The following TBC1D22A variants were observed in gnomAD, a reference collection of about 807,000 sequenced individuals.
TBC1D22A encodes TBC1 domain family member 22A.
A neutral mutation model predicts 60.2 loss-of-function variants in TBC1D22A; 38 were observed. The observed-to-expected ratio is 0.63, with a 90% CI of 0.49 to 0.83. TBC1D22A has a LOEUF of 0.83. Ranked by LOEUF, TBC1D22A falls within the 40% of genes least tolerant of loss-of-function variation. The pLI is 0.00. For missense variants in TBC1D22A, 628 were observed against 701.0 expected (o/e 0.90, Z 1.18); for synonymous variants, 302 against 281.7 (o/e 1.07, Z -0.72).
At chr22:46,812,572 C>T (rs898972651) in intron 4 of TBC1D22A, among the ~76,000 whole-genome samples, 11 of 152,174 alleles carry the variant, frequency 7.2e-5, no homozygotes, top group Admixed American at 5.2e-4. Context: ...TGGGGACTGC[C>T]GCCTTTCTGC....
At chr22:46,766,506 C>T (rs898432003) in intron 1 of TBC1D22A, among the ~76,000 whole-genome samples, 1 of 152,124 alleles carries the variant, frequency 6.6e-6, no homozygotes, top group African/African-American at 2.4e-5. Context: ...CTGTACAATA[C>T]AAGACTAGTA....
rs188040691 is a variant in TBC1D22A, at chr22:46,882,410, C to T, written c.708+3687C>T. 6.6e-5 allele frequency among the ~76,000 whole-genome samples: 10 copies of T among 152,250 alleles called. No homozygotes were observed. In the South Asian group the frequency reaches 1.5e-3, roughly 22 times the overall value. On this transcript the variant is annotated intron_variant, in intron 5 of 12. Transcript: ENST00000337137. ...CGGTTCTTGGGGGTTCTCACGTGTG[C>T]CCAGGGCTGAAGACGGCTGCTCTAA... is the stretch of plus-strand genomic sequence containing the variant.
intron 4 of TBC1D22A, among the ~76,000 whole-genome samples, chr22:46,832,923 A>T (rs2086372706): frequency 6.6e-6 from 1 of 152,114 alleles, no homozygotes; most frequent in African/African-American, 2.4e-5. Flanking sequence ...GGAAGGGCGG[A>T]TGGTGTCCAT....
Position 46,936,130 on chromosome 22 carries a change from C to T in TBC1D22A, c.1015+23942C>T, listed in dbSNP as rs1275364213. Among the ~76,000 whole-genome samples, 2 of 152,206 alleles carry T rather than the reference C, an allele frequency of 1.3e-5. 1 individual carries two copies. The highest frequency in any genetic ancestry group is 6.3e-3 in the Middle Eastern group (2 of 316). On this transcript the variant is annotated intron_variant, in intron 8 of 12. Coordinates refer to ENST00000337137, the MANE Select transcript of TBC1D22A (RefSeq NM_014346.5). The stretch of plus-strand genomic sequence containing the variant: ...GAATTTATTAGGTGCCAGAGGGTGC[C>T]GGGCATGTGCTGGTCACCTTGACAC...
intron 11 of TBC1D22A, among the ~76,000 whole-genome samples, chr22:47,059,279 A>G (rs1225713683): frequency 6.6e-6 from 1 of 152,226 alleles, no homozygotes; most frequent in Non-Finnish European, 1.5e-5. Flanking sequence ...GTGGGTGCGC[A>G]CGCGTCTGGT....
At chr22:46,792,841 C>G (rs2146895714) in intron 2 of TBC1D22A, 1 of 1,436,518 alleles carries the variant, frequency 7.0e-7, no homozygotes. Flanking sequence ...AGCTGGCATC[C>G]TTTAGCCATG....
chr22:47,001,829 G>A (rs1200488649), intron 10 of TBC1D22A, among the ~76,000 whole-genome samples: 1 of 152,138 alleles, frequency 6.6e-6, no homozygotes, highest in Non-Finnish European at 1.5e-5. Flanking sequence ...ATAACTAAAA[G>A]TTAAATATAA....
At chr22:46,959,873 C>A (rs2073403408) in intron 8 of TBC1D22A, among the ~76,000 whole-genome samples, 1 of 152,206 alleles carries the variant, frequency 6.6e-6, no homozygotes. Context: ...TACTTGGCTT[C>A]TTGGCCCTCG....
rs1299891669 is a variant in TBC1D22A at position 47,039,666 on chromosome 22, AG to A, written c.1329+2472del. The stretch of plus-strand genomic sequence containing the variant: ...TGGAAGAGAATGGCCCTGCTCCCCC[AG>A]GGGTCGCGTGCTCCCTCATGGATGC... On this transcript the variant is annotated intron_variant, in intron 11 of 12. Coordinates refer to ENST00000337137, the MANE Select transcript of TBC1D22A (RefSeq NM_014346.5). Among the ~76,000 whole-genome samples, 4 of 135,832 alleles carry A rather than the reference AG, an allele frequency of 2.9e-5. No individual in the cohort carries two copies. The East Asian group carries it at 8.4e-4, about 28-fold the overall frequency. The allele number at this position is 135,832 out of a possible 152,430, so 89.1% of individuals were successfully genotyped here.
chr22:46,896,041 T>C (rs941144415), intron 7 of TBC1D22A, among the ~76,000 whole-genome samples: 4 of 152,214 alleles, frequency 2.6e-5, no homozygotes, highest in African/African-American at 4.8e-5. Flanking sequence ...CTTCATGCTG[T>C]GGGACTTCCT....
intron 11 of TBC1D22A, among the ~76,000 whole-genome samples, chr22:47,045,728 C>T (rs563387565): frequency 2.0e-5 from 3 of 152,224 alleles, no homozygotes; most frequent in Admixed American, 6.5e-5. Context: ...AAAAAGAAAC[C>T]GCCCACCCTG....
chr22:46,840,896 A>G (rs1030858414), intron 4 of TBC1D22A, among the ~76,000 whole-genome samples: 1 of 152,280 alleles, frequency 6.6e-6, no homozygotes, highest in South Asian at 2.1e-4. Context: ...TGATCCAGCA[A>G]TCCCACTTCT....
intron 9 of TBC1D22A, among the ~76,000 whole-genome samples, chr22:46,980,829 T>C (rs899773058): frequency 3.3e-4 from 50 of 152,250 alleles, no homozygotes; most frequent in Non-Finnish European, 2.9e-5. Context: ...TATGGAGACA[T>C]GAGAGTGAAG....
At chr22:46,906,700 A>G (rs1349728623) in intron 7 of TBC1D22A, among the ~76,000 whole-genome samples, 1 of 152,168 alleles carries the variant, frequency 6.6e-6, no homozygotes, top group African/African-American at 2.4e-5. Flanking sequence ...TCCGTTTCTC[A>G]GCCACATGTA....
intron 10 of TBC1D22A, among the ~76,000 whole-genome samples, chr22:47,021,119 C>A (rs1195682047): frequency 6.6e-6 from 1 of 152,026 alleles, no homozygotes; most frequent in African/African-American, 2.4e-5. Flanking sequence ...TTTGTGAAGC[C>A]CTGAGCAGGG....
chr22:47,175,584 T>C lies in TBC1D22A; in HGVS notation c.*1958T>C, dbSNP rs945972464. The stretch of plus-strand genomic sequence containing the variant: ...TGTATGTAAACGCCAAGACTGAATG[T>C]GAGAGGTGTTGGCCGCGGGCCTTAA... On this transcript the variant is annotated 3_prime_UTR_variant, in exon 13 of 13. Transcript: ENST00000337137. The C allele has an allele frequency of 9.8e-5, 15 of 152,294 alleles. No homozygotes were observed. Among genetic ancestry groups the C allele is most frequent in the African/African-American group, 3.6e-4 (15 of 41,474 alleles). 9.4% of individuals were successfully genotyped at this position (152,294 alleles called of 1,614,324 possible). A position where few individuals can be genotyped will look rare whatever the true frequency, so the allele number is the denominator to read the frequency against.
intron 1 of TBC1D22A, among the ~76,000 whole-genome samples, chr22:46,792,317 G>GTGGGCTTGTA (rs1387035001): frequency 2.6e-5 from 4 of 152,140 alleles, no homozygotes; most frequent in African/African-American, 9.7e-5. Flanking sequence ...GGTGTGGGGT[G>GTGGGCTTGTA]TGGGCTTGTA....
chr22:47,169,928 T>C (rs1005976294), intron 12 of TBC1D22A, among the ~76,000 whole-genome samples: 4 of 152,214 alleles, frequency 2.6e-5, no homozygotes, highest in African/African-American at 9.7e-5. Context: ...GCACCGTCAT[T>C]GCTGGGAGAG....
intron 1 of TBC1D22A, among the ~76,000 whole-genome samples, chr22:46,776,955 G>A (rs1277663843): frequency 2.6e-5 from 4 of 151,998 alleles, no homozygotes; most frequent in Admixed American, 2.0e-4. Flanking sequence ...GGCACAGGAC[G>A]ACAGAGCTGA....
Sources: gnomAD v4.1 joint callset for allele counts (sites outside exome capture counted in the v4.1 genomes callset) on GRCh38, gnomAD v4.1.1 for gene constraint, MANE v1.5 for transcripts, NCBI Gene and HGNC (gene_info 2026-07-23, HGNC 2026-07-21) for gene names.